The following UACA variants were observed in gnomAD, a reference collection of about 807,000 sequenced individuals.
UACA encodes the protein nuclear membrane binding protein.
A neutral mutation model predicts 160.5 loss-of-function variants in UACA; 112 were observed. The ratio of observed to expected loss-of-function variants is 0.70; its 90% CI spans 0.60 to 0.82. The LOEUF (loss-of-function observed/expected upper bound fraction) is 0.82, where lower values mean the gene tolerates loss of function less well. Among genes scored for constraint, UACA ranks in the 40% least tolerant of loss-of-function variants. The pLI, the probability that UACA is intolerant of heterozygous loss-of-function variation, is 0.00. For synonymous variants in UACA, 557 were observed against 568.4 expected, an observed-to-expected ratio of 0.98 and a Z score of 0.29; for missense variants, 1,574 against 1,614.6, an observed-to-expected ratio of 0.97 and a Z score of 0.43.
chr15:70,660,112 T>C (rs1896650884), intron 18 of UACA, 39 bp downstream of exon 18: 1 of 1,531,422 alleles, frequency 6.5e-7, no homozygotes, highest in East Asian at 2.3e-5. Context: ...TTATTATCTC[T>C]AAAGCAATAT....
At position 70,713,135 on chromosome 15, in the gene UACA, G is replaced by C. The variant is rs186529790; in HGVS notation, c.79-13475C>G. On this transcript the variant is annotated intron_variant, in intron 1 of 18. Coordinates refer to ENST00000322954, the MANE Select transcript of UACA (RefSeq NM_018003.4). ...CGAGGCGGGCGGATCATGAGGTCAG[G>C]AGATTGAGACCATCCTGGCTAACAC... Among the ~76,000 whole-genome samples, 209 of 152,258 alleles carry C rather than the reference G, an allele frequency of 1.4e-3. 6 individuals carry two copies. The highest frequency in any genetic ancestry group is 0.013 in the Admixed American group (206 of 15,290).
upstream of UACA, among the ~76,000 whole-genome samples, chr15:70,764,649 A>C (rs548090088): frequency 3.9e-5 from 6 of 152,376 alleles, no homozygotes; most frequent in South Asian, 1.2e-3. Flanking sequence ...TACTGTAAGA[A>C]AGTTTTCAGA....
intron 5 of UACA, among the ~76,000 whole-genome samples, chr15:70,688,635 GA>G (rs1182282425): frequency 1.3e-5 from 2 of 152,026 alleles, no homozygotes; most frequent in East Asian, 3.9e-4. Context: ...ATTAATTCAG[GA>G]ACTGTAAAAT....
chr15:70,671,460 T>G (rs2140911130), intron 14 of UACA: 1 of 164,222 alleles, frequency 6.1e-6, no homozygotes, highest in Admixed American at 6.3e-5. Flanking sequence ...AGCATAAATA[T>G]TACTGTTGTA....
At chr15:70,687,108 G>A (rs1897753184) in intron 7 of UACA, among the ~76,000 whole-genome samples, 1 of 152,136 alleles carries the variant, frequency 6.6e-6, no homozygotes, top group South Asian at 2.1e-4. Context: ...ACTGACACAT[G>A]TCAAGTTCCA....
At chr15:70,702,507 C>T (rs1273568775) in intron 1 of UACA, among the ~76,000 whole-genome samples, 1 of 152,142 alleles carries the variant, frequency 6.6e-6, no homozygotes, top group Non-Finnish European at 1.5e-5. Flanking sequence ...TATTGTAAAA[C>T]ATGCTTATTA....
At chr15:70,762,112 C>T (rs532211891) in intron 1 of UACA, among the ~76,000 whole-genome samples, 15 of 152,162 alleles carry the variant, frequency 9.9e-5, no homozygotes, top group Admixed American at 6.5e-4. Flanking sequence ...CGACTTCATG[C>T]TTTATCAAAG....
At chr15:70,691,873 C>T (rs1177175459) in intron 3 of UACA, among the ~76,000 whole-genome samples, 2 of 152,126 alleles carry the variant, frequency 1.3e-5, no homozygotes, top group African/African-American at 4.8e-5. Context: ...TTATGTAATT[C>T]TATCTCTGAA....
At chr15:70,773,794 T>G in the UACA span, among the ~76,000 whole-genome samples, 1 of 152,206 alleles carries the variant, frequency 6.6e-6, no homozygotes, top group Non-Finnish European at 1.5e-5. Flanking sequence ...CCAATATTTT[T>G]CAGTCTTACA....
At chr15:70,666,594 G>A (rs1896914204) in intron 16 of UACA, 130 bp downstream of exon 16, 2 of 690,952 alleles carry the variant, frequency 2.9e-6, no homozygotes, top group Non-Finnish European at 2.1e-6. Context: ...CGGAATTTTT[G>A]CACGCAAGTT....
chr15:70,701,044 T>C (rs1211331971), intron 1 of UACA, among the ~76,000 whole-genome samples: 3 of 152,150 alleles, frequency 2.0e-5, no homozygotes, highest in Non-Finnish European at 1.5e-5. Context: ...ATACTTGATG[T>C]AGAAAATGAA....
chr15:70,698,909 TC>T (rs1026681171), intron 2 of UACA, among the ~76,000 whole-genome samples: 3 of 151,990 alleles, frequency 2.0e-5, no homozygotes. Flanking sequence ...GACAGACACA[TC>T]GTTCATAAGC....
At chr15:70,755,676 T>TAA (rs569011645) in intron 1 of UACA, among the ~76,000 whole-genome samples, 39 of 141,228 alleles carry the variant, frequency 2.8e-4, no homozygotes, top group African/African-American at 5.4e-4. Flanking sequence ...TTCTCAAAAA[T>TAA]AAAAAAAAAA....
chr15:70,677,961 G>A (rs1897348800), intron 11 of UACA, 138 bp downstream of exon 11: 3 of 587,170 alleles, frequency 5.1e-6, no homozygotes, highest in Non-Finnish European at 8.7e-6. Context: ...AAAATTTCAT[G>A]TAAAAATCCT....
chr15:70,663,768 G>A (rs867220706), intron 17 of UACA, among the ~76,000 whole-genome samples: 27 of 149,400 alleles, frequency 1.8e-4, no homozygotes, highest in African/African-American at 3.7e-4. Context: ...CTATCGCAAC[G>A]ACAAAAAACC....
intron 1 of UACA, among the ~76,000 whole-genome samples, chr15:70,757,248 T>A (rs1334296500): frequency 1.3e-5 from 2 of 152,214 alleles, no homozygotes; most frequent in African/African-American, 4.8e-5. Flanking sequence ...TCAAAATTAT[T>A]GTATGACAAT....
At chr15:70,666,290 C>T (rs1896900777) in intron 16 of UACA, among the ~76,000 whole-genome samples, 1 of 152,120 alleles carries the variant, frequency 6.6e-6, no homozygotes, top group South Asian at 2.1e-4. Flanking sequence ...AAGACATGAG[C>T]AACAGAACAT....
chr15:70,693,658 A>C (rs1898020541), intron 3 of UACA, among the ~76,000 whole-genome samples: 1 of 152,028 alleles, frequency 6.6e-6, no homozygotes, highest in Admixed American at 6.6e-5. Flanking sequence ...GAGCTTGGGG[A>C]AGCATTTGAG....
the UACA span, among the ~76,000 whole-genome samples, chr15:70,769,529 T>C: frequency 6.6e-6 from 1 of 150,928 alleles, no homozygotes; most frequent in African/African-American, 2.4e-5. Flanking sequence ...AGAAATGTTA[T>C]AATAAAGTTA....
Sources: allele counts gnomAD v4.1 joint callset (sites outside exome capture counted in the v4.1 genomes callset), GRCh38; gene constraint gnomAD v4.1.1; transcripts MANE v1.5; gene names NCBI Gene and HGNC (gene_info 2026-07-23, HGNC 2026-07-21).